Variants in EVL observed in about 807,000 individuals in gnomAD.
EVL encodes ena/VASP-like protein.
Under a neutral mutation model 59.6 loss-of-function variants are expected in EVL, and 21 were observed. The ratio of observed to expected loss-of-function variants is 0.35; its 90% confidence interval spans 0.25 to 0.51. The LOEUF is 0.51. EVL is among the 20% of genes least tolerant of loss of function. The probability of loss-of-function intolerance (pLI) is 0.97; values close to 1 mark genes in which losing one functional copy is unlikely to be tolerated. For missense variants in EVL, 462 were observed against 546.6 expected, an observed-to-expected ratio of 0.85 and a Z score of 1.54; for synonymous variants, 198 against 203.5, an observed-to-expected ratio of 0.97 and a Z score of 0.23.
At chr14:99,977,410 T>C (rs946552760) in intron 1 of EVL, 2 of 152,180 alleles carry the variant, frequency 1.3e-5, no homozygotes, top group African/African-American at 4.8e-5. Flanking sequence ...TTTTTATTTT[T>C]ATTTTTTAGA....
intron 1 of EVL, among the ~76,000 whole-genome samples, chr14:100,069,694 T>G (rs1490589303): frequency 1.3e-5 from 2 of 152,096 alleles, no homozygotes; most frequent in East Asian, 3.8e-4. Context: ...CCTCTGGAGA[T>G]TCTAGGTTAT....
chr14:99,991,319 T>C (rs2140178136), intron 1 of EVL, among the ~76,000 whole-genome samples: 1 of 152,320 alleles, frequency 6.6e-6, no homozygotes, highest in Non-Finnish European at 1.5e-5. Context: ...AACACACTCT[T>C]TGAGGCTGAA....
intron 3 of EVL, among the ~76,000 whole-genome samples, chr14:100,098,854 G>T (rs1476576090): frequency 1.3e-5 from 2 of 152,158 alleles, no homozygotes; most frequent in Non-Finnish European, 2.9e-5. Context: ...AAAATCGGGG[G>T]ATATAGAGTT....
At chr14:100,052,320 G>T (rs918343006) in intron 1 of EVL, among the ~76,000 whole-genome samples, 1 of 152,148 alleles carries the variant, frequency 6.6e-6, no homozygotes, top group Non-Finnish European at 1.5e-5. Flanking sequence ...TTCTGAAAGA[G>T]CTTACACTTA....
At position 100,144,118 on chromosome 14, in the gene EVL, A is replaced by G. The variant is rs1471580122; in HGVS notation, c.*380A>G. Reference sequence around the variant, plus strand: ...GTGACAGCCGGCCCAGCGTGGCGCCACCACACACCGCAGAGCTGTCCAGGC... The same window carrying G: ...GTGACAGCCGGCCCAGCGTGGCGCCGCCACACACCGCAGAGCTGTCCAGGC... On this transcript the variant is annotated 3_prime_UTR_variant, in exon 14 of 14. Transcript: ENST00000392920. 3.2e-6 allele frequency: 1 copy of G among 314,466 alleles called. No individual in the cohort carries two copies. Among genetic ancestry groups the G allele is most frequent in the Middle Eastern group, 1.0e-3 (1 of 984 alleles). 19.5% of individuals were successfully genotyped at this position (314,466 alleles called of 1,614,324 possible). A position where few individuals can be genotyped will look rare whatever the true frequency, so the allele number is the denominator to read the frequency against.
At position 99,972,734 on chromosome 14, in the gene EVL, G is replaced by T. The variant is rs1050716490; in HGVS notation, c.5+677G>T. Among the ~76,000 whole-genome samples, 1 of 151,924 alleles carries T rather than the reference G, an allele frequency of 6.6e-6. No individual in the cohort carries two copies. Among genetic ancestry groups the T allele is most frequent in the Non-Finnish European group, 1.5e-5 (1 of 67,998 alleles). ...ACCTTGCTTCTGCCAGAAGCCCGGT[G>T]CCCTCTCCCAGTCGCTAAACCCTCC... On this transcript the variant is annotated intron_variant, in intron 1 of 13. Transcript: ENST00000402714. This position sits in a 1 kb window ranked among gnomAD's most constrained non-coding sequence, Gnocchi z 4.4.
intron 4 of EVL, among the ~76,000 whole-genome samples, chr14:100,125,143 CA>C (rs2140371571): frequency 6.9e-6 from 1 of 144,048 alleles, no homozygotes; most frequent in African/African-American, 2.7e-5. Flanking sequence ...CACACACACA[CA>C]CACACACCTG....
At chr14:100,037,559 T>C (rs2061406704) in intron 1 of EVL, among the ~76,000 whole-genome samples, 1 of 152,248 alleles carries the variant, frequency 6.6e-6, no homozygotes, top group South Asian at 2.1e-4. Context: ...TGACATTAAT[T>C]CCAGGCTTGG....
chr14:100,038,182 T>C lies in EVL; in HGVS notation c.6-46505T>C, dbSNP rs140522574. Among the ~76,000 whole-genome samples, 403 of 152,262 alleles carry C rather than the reference T, an allele frequency of 2.6e-3. 1 individual carries two copies. Among genetic ancestry groups the C allele is most frequent in the African/African-American group, 9.5e-3 (393 of 41,554 alleles). On this transcript the variant is annotated intron_variant, in intron 1 of 13. Transcript: ENST00000402714. Reference sequence around the variant, plus strand: ...GTGCCTGGCAACCAGCTCTGTAGATTTAATAAAGCACCACGTTGGCCATGT... The same window carrying C: ...GTGCCTGGCAACCAGCTCTGTAGATCTAATAAAGCACCACGTTGGCCATGT...
chr14:100,044,098 C>G (rs2061510872), intron 1 of EVL, among the ~76,000 whole-genome samples: 1 of 152,190 alleles, frequency 6.6e-6, no homozygotes, highest in Admixed American at 6.5e-5. Flanking sequence ...TTTACCTGCT[C>G]TCTAGGTATT....
Position 100,137,752 on chromosome 14 carries a change from GGCAAAGAGCCCCGAA to G in EVL, c.1047_1061del (p.Glu353_Pro357del). On this transcript the variant is annotated inframe_deletion, in exon 11 of 14. Transcript: ENST00000392920. ...TCCATTGCCGTAGAACCCCGTCTGT[GGCAAAGAGCCCCGAA>G]GCTAAGAGCCCCCTTCAGTCGCAGC... is the stretch of plus-strand genomic sequence containing the variant. The G allele has an allele frequency of 6.2e-7, 1 of 1,614,116 alleles. No homozygotes were observed. The highest frequency in any genetic ancestry group is 8.5e-7 in the Non-Finnish European group (1 of 1,180,024).
chr14:100,044,381 AT>A (rs905114310), intron 1 of EVL, among the ~76,000 whole-genome samples: 12 of 152,194 alleles, frequency 7.9e-5, no homozygotes. Flanking sequence ...TTATACAGAG[AT>A]TTTGGCTTAC....
chr14:100,101,337 T>C (rs1288477403), intron 3 of EVL, among the ~76,000 whole-genome samples: 3 of 152,078 alleles, frequency 2.0e-5, no homozygotes, highest in Admixed American at 2.0e-4. Flanking sequence ...AATATAAAAT[T>C]AGGCATGATG....
intron 1 of EVL, among the ~76,000 whole-genome samples, chr14:100,021,575 A>G (rs887488900): frequency 1.3e-5 from 2 of 152,188 alleles, no homozygotes; most frequent in South Asian, 4.1e-4. Context: ...AGCTTAGTTC[A>G]GTGGGGTTCT....
At chr14:100,073,320 CTTT>C (rs368484673) in intron 1 of EVL, among the ~76,000 whole-genome samples, 11 of 137,344 alleles carry the variant, frequency 8.0e-5, no homozygotes, top group Admixed American at 1.5e-4. Flanking sequence ...TTTCCTTTTT[CTTT>C]TTTTTTTTTT....
intron 1 of EVL, among the ~76,000 whole-genome samples, chr14:100,018,241 A>G (rs1321210432): frequency 6.6e-6 from 1 of 152,182 alleles, no homozygotes; most frequent in East Asian, 1.9e-4. Flanking sequence ...GAGAGGGAGC[A>G]GTGAGGGAGC....
intron 1 of EVL, among the ~76,000 whole-genome samples, chr14:99,990,489 T>C (rs949397059): frequency 6.6e-6 from 1 of 152,112 alleles, no homozygotes; most frequent in African/African-American, 2.4e-5. Context: ...CATTAAACAC[T>C]AATTCCCACT....
upstream of EVL, among the ~76,000 whole-genome samples, chr14:100,065,122 A>G (rs996673937): frequency 3.7e-4 from 57 of 152,142 alleles, 1 homozygote. Flanking sequence ...AGAGCTAGTT[A>G]GTGGGGGGCC....
chr14:100,048,382 G>A (rs900664916), intron 1 of EVL, among the ~76,000 whole-genome samples: 6 of 152,158 alleles, frequency 3.9e-5, no homozygotes, highest in Non-Finnish European at 8.8e-5. Flanking sequence ...AAATAAGCAC[G>A]AGAGAAGATG....
Sources: allele counts gnomAD v4.1 joint callset (sites outside exome capture counted in the v4.1 genomes callset), GRCh38; gene constraint gnomAD v4.1.1; non-coding constraint Gnocchi (gnomAD v3.1); transcripts MANE v1.5; gene names NCBI Gene and HGNC (gene_info 2026-07-23, HGNC 2026-07-21).